HDAC4: variants seen among roughly 807,000 people sequenced by gnomAD.
HDAC4 encodes the protein histone deacetylase 4.
HDAC4 carries 16 observed loss-of-function variants against 135.1 expected under a neutral mutation model. That is an observed-to-expected ratio of 0.12 (90% confidence interval 0.08 to 0.18). The LOEUF (loss-of-function observed/expected upper bound fraction) is 0.18, where lower values mean the gene tolerates loss of function less well. Among genes scored for constraint, HDAC4 ranks in the 10% least tolerant of loss-of-function variants. HDAC4 has a pLI of 1.00. For missense variants in HDAC4, 1,143 were observed against 1,511.8 expected (o/e 0.76, Z 4.05); for synonymous variants, 685 against 653.4 (o/e 1.05, Z -0.74).
At chr2:239,226,653 T>G (rs907689331) in intron 3 of HDAC4, among the ~76,000 whole-genome samples, 1 of 149,460 alleles carries the variant, frequency 6.7e-6, no homozygotes, top group Admixed American at 6.7e-5. Context: ...ACAACAACAA[T>G]GTAACATGTA....
intron 2 of HDAC4, among the ~76,000 whole-genome samples, chr2:239,342,204 T>G (rs1692340149): frequency 6.6e-6 from 1 of 151,982 alleles, no homozygotes; most frequent in Non-Finnish European, 1.5e-5. Context: ...GAAAATGGTC[T>G]AAGCATTTTA....
Position 239,297,465 on chromosome 2 carries a change from G to A in HDAC4, c.22+55213C>T, listed in dbSNP as rs183999467. 3.1e-4 allele frequency among the ~76,000 whole-genome samples: 48 copies of A among 152,390 alleles called. No homozygotes were observed. In the East Asian group the frequency reaches 8.7e-3, roughly 28 times the overall value. ...CACTGGTGTGACAGCATAGGGTTGA[G>A]ACGGGGTTGCAGAGGTCAAGTCCAG... On this transcript the variant is annotated intron_variant, in intron 2 of 26. Transcript: ENST00000543185.
intron 2 of HDAC4, among the ~76,000 whole-genome samples, chr2:239,350,724 A>G (rs1040076702): frequency 3.9e-5 from 6 of 152,142 alleles, no homozygotes; most frequent in Middle Eastern, 3.2e-3. Context: ...GAATGGTCTC[A>G]ATCTCTTGAC....
intron 18 of HDAC4, among the ~76,000 whole-genome samples, chr2:239,088,589 G>A (rs1308464555): frequency 2.6e-5 from 4 of 152,220 alleles, no homozygotes; most frequent in African/African-American, 7.2e-5. Flanking sequence ...CTGAAGCACC[G>A]GAGGGTAGAC....
At chr2:239,275,844 T>G (rs1403093657) in intron 2 of HDAC4, among the ~76,000 whole-genome samples, 1 of 151,958 alleles carries the variant, frequency 6.6e-6, no homozygotes, top group African/African-American at 2.4e-5. Flanking sequence ...CCCAGATAGC[T>G]CCTCATGGTG....
intron 22 of HDAC4, among the ~76,000 whole-genome samples, chr2:239,074,550 G>A (rs1009186799): frequency 4.6e-5 from 7 of 152,202 alleles, no homozygotes; most frequent in African/African-American, 1.4e-4. Context: ...CTGGCACGTC[G>A]GCCACACGTG....
intron 25 of HDAC4, among the ~76,000 whole-genome samples, chr2:239,054,376 C>G (rs12617720): frequency 6.6e-6 from 1 of 151,968 alleles, no homozygotes; most frequent in African/African-American, 2.4e-5. Flanking sequence ...GAGGTCAGGA[C>G]GTGGGCTTCT....
intron 3 of HDAC4, among the ~76,000 whole-genome samples, chr2:239,231,359 C>G (rs1307099930): frequency 6.6e-6 from 1 of 152,190 alleles, no homozygotes; most frequent in African/African-American, 2.4e-5. Context: ...CCCAGTAGCA[C>G]AGCCCTCAGG....
rs1403551536 is a variant in HDAC4, at chr2:239,050,598, C to T, written c.*2499G>A. 1 of 152,644 alleles carries T rather than the reference C, an allele frequency of 6.6e-6. No homozygotes were observed. The highest frequency in any genetic ancestry group is 6.5e-5 in the Admixed American group (1 of 15,286). The allele number at this position is 152,644 out of a possible 1,614,324, so 9.5% of individuals were successfully genotyped here. A position where few individuals can be genotyped will look rare whatever the true frequency, so the allele number is the denominator to read the frequency against. On this transcript the variant is annotated 3_prime_UTR_variant, in exon 27 of 27. Transcript: ENST00000543185. ...AGCTGACCATCAGCAGCCCAGTGACCAAGTGAATCCAAGAATCTGCACTCA... is the reference window on the plus strand; with the variant it reads ...AGCTGACCATCAGCAGCCCAGTGACTAAGTGAATCCAAGAATCTGCACTCA...
chr2:239,071,637 T>A (rs1374901047), intron 22 of HDAC4, among the ~76,000 whole-genome samples: 1 of 152,092 alleles, frequency 6.6e-6, no homozygotes, highest in Admixed American at 6.6e-5. Context: ...TGGCTCTCGG[T>A]AGCCGGTGCT....
rs1391494582 is a variant in HDAC4 at position 239,141,807 on chromosome 2, TG to T, written c.866-2012del. 6.6e-6 allele frequency among the ~76,000 whole-genome samples: 1 copy of T among 152,216 alleles called. No individual in the cohort carries two copies. The highest frequency in any genetic ancestry group is 1.5e-5 in the Non-Finnish European group (1 of 68,036). On this transcript the variant is annotated intron_variant, in intron 8 of 26. Transcript: ENST00000543185. The surrounding 1 kb of genome is among the most constrained non-coding windows in gnomAD (Gnocchi z 4.9). ...TTTTTGGGGCGGTAAAAATTATATG[TG>T]TAACTTTCCACCCACTTTTAACTCA...
At chr2:239,247,844 C>T (rs533102731) in intron 2 of HDAC4, among the ~76,000 whole-genome samples, 8 of 152,178 alleles carry the variant, frequency 5.3e-5, no homozygotes, top group African/African-American at 4.8e-5. Flanking sequence ...AGGTGGAGAA[C>T]GGAGGGCGCT....
intron 2 of HDAC4, among the ~76,000 whole-genome samples, chr2:239,328,186 AC>A (rs1435388556): frequency 6.6e-6 from 1 of 152,190 alleles, no homozygotes; most frequent in Non-Finnish European, 1.5e-5. Context: ...TCTTCTAGCC[AC>A]CCTGGAGGAG....
In HDAC4 at chr2:239,249,974, G is replaced by A. The variant is rs548306243; in HGVS notation, c.23-13310C>T. ...CTTCCTGCTGTGACGCGTCATCCAA[G>A]GGGAAGCTCTGCTTCCGGGCCTCCC... On this transcript the variant is annotated intron_variant, in intron 2 of 26. Transcript: ENST00000543185. 3.9e-5 allele frequency among the ~76,000 whole-genome samples: 6 copies of A among 152,320 alleles called. No individual in the cohort carries two copies. The South Asian group carries it at 1.2e-3, about 32-fold the overall frequency.
intron 6 of HDAC4, among the ~76,000 whole-genome samples, chr2:239,159,704 T>C (rs1211662438): frequency 6.6e-6 from 1 of 151,864 alleles, no homozygotes; most frequent in Non-Finnish European, 1.5e-5. Context: ...CCGGCCACAC[T>C]CCACACTCAC....
chr2:239,181,452 G>A (rs1025578953), intron 4 of HDAC4, among the ~76,000 whole-genome samples: 1 of 152,258 alleles, frequency 6.6e-6, no homozygotes, highest in African/African-American at 2.4e-5. Flanking sequence ...GTGTGCGCAG[G>A]AGGGGCAGGG....
At chr2:239,080,269 G>C (rs1174628243) in intron 22 of HDAC4, among the ~76,000 whole-genome samples, 1 of 152,224 alleles carries the variant, frequency 6.6e-6, no homozygotes, top group Middle Eastern at 3.2e-3. Context: ...CATGGAGACA[G>C]AGAAAGAGAA....
chr2:239,194,421 C>T (rs142742137), intron 3 of HDAC4, among the ~76,000 whole-genome samples: 296 of 152,338 alleles, frequency 1.9e-3, no homozygotes, highest in Non-Finnish European at 3.1e-3. Flanking sequence ...ATGCTGAGCG[C>T]CACGCTGCTG....
intron 2 of HDAC4, among the ~76,000 whole-genome samples, chr2:239,332,713 AAAT>A (rs577097491): frequency 7.0e-4 from 107 of 152,150 alleles, no homozygotes; most frequent in African/African-American, 2.5e-3. Flanking sequence ...CCAAAAACAA[AAAT>A]AATAGCAATA....
Sources: gnomAD v4.1 joint callset for allele counts (sites outside exome capture counted in the v4.1 genomes callset) on GRCh38, gnomAD v4.1.1 for gene constraint, Gnocchi (gnomAD v3.1) non-coding constraint, MANE v1.5 for transcripts, NCBI Gene and HGNC (gene_info 2026-07-23, HGNC 2026-07-21) for gene names.